Variants in NBAS observed in about 807,000 individuals in gnomAD.
NBAS encodes NBAS subunit of NRZ tethering complex, also known as NAG/BC035112 fusion.
In NBAS, 219 loss-of-function variants were observed where a neutral mutation model predicts 302.5. That is an observed-to-expected ratio of 0.72 (90% CI 0.65 to 0.81). NBAS has a LOEUF of 0.81. NBAS is among the 30% of genes least tolerant of loss of function. The pLI is 0.00. For missense variants in NBAS, 2,932 were observed against 2,841.6 expected (o/e 1.03, Z -0.72); for synonymous variants, 1,118 against 1,021.6 (o/e 1.09, Z -1.80).
In NBAS at chr2:15,236,683, G is replaced by C. The variant is rs1031463431; in HGVS notation, c.5943+1785C>G. On this transcript the variant is annotated intron_variant, in intron 45 of 51. Coordinates refer to ENST00000281513, the MANE Select transcript of NBAS (RefSeq NM_015909.4). Reference sequence around the variant, plus strand: ...AAAATAAGTACTTAAAAATTTATAAGTATAGATCACTTTTCCTTGAAGATT... The same window carrying C: ...AAAATAAGTACTTAAAAATTTATAACTATAGATCACTTTTCCTTGAAGATT... Among the ~76,000 whole-genome samples the C allele has an allele frequency of 3.3e-5, 5 of 151,510 alleles. No individual in the cohort carries two copies. In the East Asian group the frequency reaches 5.8e-4, roughly 18 times the overall value.
At chr2:15,047,015 G>C in the NBAS span, among the ~76,000 whole-genome samples, 1 of 152,178 alleles carries the variant, frequency 6.6e-6, no homozygotes, top group Non-Finnish European at 1.5e-5. Context: ...AGGCAGATGG[G>C]AAGTTTACAC....
chr2:15,180,630 G>A (rs762153552), intron 50 of NBAS, among the ~76,000 whole-genome samples: 12 of 152,188 alleles, frequency 7.9e-5, no homozygotes, highest in Admixed American at 2.6e-4. Context: ...CACACAAAGT[G>A]ATGTGCGGGG....
the NBAS span, among the ~76,000 whole-genome samples, chr2:14,884,104 G>C: frequency 5.9e-3 from 898 of 152,272 alleles, 10 homozygotes; most frequent in African/African-American, 0.021. Flanking sequence ...AGAGAACAGA[G>C]ATTCCCTTAG....
chr2:14,824,357 G>T, the NBAS span, among the ~76,000 whole-genome samples: 2 of 152,118 alleles, frequency 1.3e-5, no homozygotes, highest in Non-Finnish European at 2.9e-5. Flanking sequence ...TATATAAGTA[G>T]ATGAACTAAA....
At chr2:15,205,026 T>G (rs903388612) in intron 48 of NBAS, among the ~76,000 whole-genome samples, 4 of 151,582 alleles carry the variant, frequency 2.6e-5, no homozygotes, top group Non-Finnish European at 5.9e-5. Context: ...AATAAAAAAA[T>G]TAAAAAAAGA....
chr2:15,212,521 C>T (rs1211752685), intron 48 of NBAS, among the ~76,000 whole-genome samples: 1 of 152,194 alleles, frequency 6.6e-6, no homozygotes, highest in African/African-American at 2.4e-5. Context: ...GACACAGTGG[C>T]TGCACGCCCT....
chr2:15,002,049 C>T, the NBAS span, among the ~76,000 whole-genome samples: 1 of 152,190 alleles, frequency 6.6e-6, no homozygotes, highest in Non-Finnish European at 1.5e-5. Flanking sequence ...GGTGTGTTTA[C>T]AATCCCTGAG....
At chr2:15,062,610 T>C in the NBAS span, among the ~76,000 whole-genome samples, 3 of 152,202 alleles carry the variant, frequency 2.0e-5, no homozygotes, top group Admixed American at 1.3e-4. Flanking sequence ...ATGGAAATTA[T>C]AGAGAGTGGT....
intron 35 of NBAS, among the ~76,000 whole-genome samples, chr2:15,335,922 T>C (rs765729869): frequency 6.6e-6 from 1 of 151,012 alleles, no homozygotes; most frequent in Non-Finnish European, 1.5e-5. Flanking sequence ...AAGACTCCCA[T>C]CTCCACAAAA....
At chr2:14,913,818 A>G in the NBAS span, among the ~76,000 whole-genome samples, 3 of 152,296 alleles carry the variant, frequency 2.0e-5, no homozygotes, top group African/African-American at 7.2e-5. Context: ...TAGAAGAAAG[A>G]CACCAAAGAT....
intron 40 of NBAS, among the ~76,000 whole-genome samples, chr2:15,297,084 C>T (rs563746545): frequency 6.6e-6 from 1 of 152,266 alleles, no homozygotes; most frequent in Middle Eastern, 3.4e-3. Context: ...ACGCCTACTG[C>T]TAAAACATGT....
chr2:15,210,416 A>G (rs937616261), intron 48 of NBAS, among the ~76,000 whole-genome samples: 2 of 152,210 alleles, frequency 1.3e-5, no homozygotes, highest in Non-Finnish European at 2.9e-5. Context: ...CAAAACTACA[A>G]TGAGATATCA....
the NBAS span, among the ~76,000 whole-genome samples, chr2:14,978,933 G>T: frequency 1.3e-5 from 2 of 152,224 alleles, no homozygotes; most frequent in Non-Finnish European, 2.9e-5. Flanking sequence ...TGCTGAGGGG[G>T]TACTCAAATT....
intron 11 of NBAS, among the ~76,000 whole-genome samples, chr2:15,497,745 A>C (rs1248037855): frequency 1.3e-5 from 2 of 152,194 alleles, no homozygotes; most frequent in African/African-American, 2.4e-5. Context: ...GAAAATACTC[A>C]TATTTTATAC....
In NBAS at chr2:15,390,495, T is replaced by C. The variant is rs554454791; in HGVS notation, c.3257+3732A>G. 4.1e-4 allele frequency among the ~76,000 whole-genome samples: 63 copies of C among 152,266 alleles called. No individual in the cohort carries two copies. In the South Asian group the frequency reaches 9.8e-3, roughly 24 times the overall value. The stretch of plus-strand genomic sequence containing the variant: ...ATTAGAGGATACAAAGTAGCAGATA[T>C]GTACATGAACAAGCCTAGAGGTCTA... On this transcript the variant is annotated intron_variant, in intron 28 of 51. Transcript: ENST00000281513.
At chr2:14,810,497 G>T in the NBAS span, among the ~76,000 whole-genome samples, 2 of 152,170 alleles carry the variant, frequency 1.3e-5, no homozygotes, top group Non-Finnish European at 2.9e-5. Flanking sequence ...CACCATGATT[G>T]TGAGGCTTCC....
chr2:14,799,484 G>A, the NBAS span, among the ~76,000 whole-genome samples: 9 of 151,938 alleles, frequency 5.9e-5, no homozygotes, highest in East Asian at 3.9e-4. Context: ...CTATATGGTC[G>A]ATCTTAGTAA....
chr2:15,316,201 A>C (rs1671500978), intron 38 of NBAS, among the ~76,000 whole-genome samples: 1 of 152,214 alleles, frequency 6.6e-6, no homozygotes. Context: ...GCATTGTCTA[A>C]ACAAGTTATA....
At chr2:15,540,866 C>T (rs1442384245) in intron 6 of NBAS, among the ~76,000 whole-genome samples, 1 of 151,928 alleles carries the variant, frequency 6.6e-6, no homozygotes, top group Non-Finnish European at 1.5e-5. Context: ...TGGATACAGG[C>T]GTGTGCCACT....
Sources: gnomAD v4.1 joint callset for allele counts (sites outside exome capture counted in the v4.1 genomes callset) on GRCh38, gnomAD v4.1.1 for gene constraint, MANE v1.5 for transcripts, NCBI Gene and HGNC (gene_info 2026-07-23, HGNC 2026-07-21) for gene names.